The following RPL10A variants were observed in gnomAD, a reference collection of about 807,000 sequenced individuals.
The protein encoded by RPL10A is large ribosomal subunit protein uL1.
RPL10A carries 11 observed loss-of-function variants against 24.6 expected under a neutral mutation model. The ratio of observed to expected loss-of-function variants is 0.45; its 90% CI spans 0.28 to 0.74. The LOEUF (loss-of-function observed/expected upper bound fraction) is 0.74, where lower values mean the gene tolerates loss of function less well. Ranked by LOEUF, RPL10A falls within the 30% of genes least tolerant of loss-of-function variation. The probability of loss-of-function intolerance (pLI) is 0.13; values close to 1 mark genes in which losing one functional copy is unlikely to be tolerated. For synonymous variants in RPL10A, 98 were observed against 108.5 expected (o/e 0.90, Z 0.60); for missense variants, 136 against 273.1 (o/e 0.50, Z 3.54).
chr6:35,468,901 G>A, intron 2 of RPL10A, 28 bp downstream of exon 2: 2 of 1,613,328 alleles, frequency 1.2e-6, no homozygotes, highest in Admixed American at 1.7e-5. Flanking sequence ...GGCACGGCGC[G>A]GGTGGCGAGG....
chr6:35,470,755 C>T lies in RPL10A; in HGVS notation c.*5C>T, dbSNP rs1227565757. 2 of 1,599,518 alleles carry T rather than the reference C, an allele frequency of 1.3e-6. No homozygotes were observed. Among genetic ancestry groups the T allele is most frequent in the Admixed American group, 3.3e-5 (2 of 59,728 alleles). Reference sequence around the variant, plus strand: ...AAGCCCCAGCGCCTATATTAAGGCACATTTGAATAAATTCTATTACCAGTT... The same window carrying T: ...AAGCCCCAGCGCCTATATTAAGGCATATTTGAATAAATTCTATTACCAGTT... On this transcript the variant is annotated 3_prime_UTR_variant, in exon 6 of 6. Transcript: ENST00000322203. The surrounding 1 kb of genome is among the most constrained non-coding windows in gnomAD (Gnocchi z 4.6).
In RPL10A at chr6:35,468,779, C is replaced by T. The variant is rs1380742646; in HGVS notation, c.6-20C>T. 6 of 1,574,436 alleles carry T rather than the reference C, an allele frequency of 3.8e-6. No homozygotes were observed. The highest frequency in any genetic ancestry group is 5.2e-6 in the Non-Finnish European group (6 of 1,160,308). ...TGTGGACTCCGCGGCCCTGAGCGCC[C>T]TGTCGCTTCTCTCCCGCAGCAGCAA... On this transcript the variant is annotated intron_variant, in intron 1 of 5. Transcript: ENST00000322203.
In RPL10A at chr6:35,469,109, G is replaced by A. The variant is rs573732941; in HGVS notation, c.161+82G>A. ...TGCAGGCTCCCGCTGAGCCGGAGGC[G>A]GGCACGTCGGTACTGATGTGCTAGG... On this transcript the variant is annotated intron_variant, in intron 3 of 5. Transcript: ENST00000322203. 9 of 1,580,542 alleles carry A rather than the reference G, an allele frequency of 5.7e-6. No individual in the cohort carries two copies. The East Asian group carries it at 2.1e-4, about 36-fold the overall frequency.
Position 35,470,757 on chromosome 6 carries a change from T to A in RPL10A, c.*7T>A, listed in dbSNP as rs1298307142. On this transcript the variant is annotated 3_prime_UTR_variant, in exon 6 of 6. Coordinates refer to ENST00000322203, the MANE Select transcript of RPL10A (RefSeq NM_007104.5). This position sits in a 1 kb window ranked among gnomAD's most constrained non-coding sequence, Gnocchi z 4.6. The stretch of plus-strand genomic sequence containing the variant: ...GCCCCAGCGCCTATATTAAGGCACA[T>A]TTGAATAAATTCTATTACCAGTTCC... 3 of 1,599,396 alleles carry A rather than the reference T, an allele frequency of 1.9e-6. No homozygotes were observed. The highest frequency in any genetic ancestry group is 1.7e-6 in the Non-Finnish European group (2 of 1,179,354).
chr6:35,470,114 C>T lies in RPL10A; in HGVS notation c.311-65C>T. On this transcript the variant is annotated intron_variant, in intron 4 of 5. Coordinates refer to ENST00000322203, the MANE Select transcript of RPL10A (RefSeq NM_007104.5). This position sits in a 1 kb window ranked among gnomAD's most constrained non-coding sequence, Gnocchi z 4.6. ...TGATTCAAGTGCGTTTCTGGCCTGC[C>T]ACATTTGAGGTGTGCCTTGGTGACC... 6.7e-7 allele frequency: 1 copy of T among 1,498,496 alleles called. No homozygotes were observed. Among genetic ancestry groups the T allele is most frequent in the Non-Finnish European group, 9.1e-7 (1 of 1,094,790 alleles). 92.8% of individuals were successfully genotyped at this position (1,498,496 alleles called of 1,614,324 possible).
chr6:35,469,320 TCA>T, intron 3 of RPL10A, 59 bp from the exon 4 acceptor site: 1 of 1,527,816 alleles, frequency 6.5e-7, no homozygotes, highest in East Asian at 2.3e-5. Flanking sequence ...CCCAGACCCT[TCA>T]CCGGCCCTTG....
rs773441168 is a variant in RPL10A, at chr6:35,470,295, A to C, written c.427A>C (p.Asn143His). The change falls in exon 5 of 6, where the codon AAC becomes CAC. Residue 143 changes from asparagine to histidine, a missense_variant. Coordinates refer to ENST00000322203, the MANE Select transcript of RPL10A (RefSeq NM_007104.5). The surrounding 1 kb of genome is among the most constrained non-coding windows in gnomAD (Gnocchi z 4.6). ...CCCTTCCCTGCTCACACACAACGAA[A>C]ACATGGTGGCCAAAGTGGATGAGGT... ...KFPSLLTHNE[N>H]MVAKVDEVKS... 1.2e-6 allele frequency: 2 copies of C among 1,605,746 alleles called. No individual in the cohort carries two copies. Among genetic ancestry groups the C allele is most frequent in the Admixed American group, 1.7e-5 (1 of 60,010 alleles).
At chr6:35,468,574 C>G (rs1252835183) in intron 1 of RPL10A, 135 bp downstream of exon 1, 30 of 1,584,408 alleles carry the variant, frequency 1.9e-5, no homozygotes, top group Admixed American at 5.3e-5. Context: ...GCGGGTCGGC[C>G]TGCGGGTCGC....
At chr6:35,468,681 A>G (rs368311133) in intron 1 of RPL10A, 118 bp from the exon 2 acceptor site, 6 of 1,525,068 alleles carry the variant, frequency 3.9e-6, no homozygotes, top group East Asian at 4.9e-5. Flanking sequence ...TCCGGAATCT[A>G]CGGGGGAGTC....
rs1767956086 is a variant in RPL10A, at chr6:35,468,986, C to T, written c.120C>T (p.Asn40=). Reference sequence around the variant, plus strand: ...TGGAGTTGCAGATCAGCTTGAAGAACTATGATCCCCAGAAGGACAAGCGCT... The same window carrying T: ...TGGAGTTGCAGATCAGCTTGAAGAATTATGATCCCCAGAAGGACAAGCGCT... ...ETVELQISLK[N]YDPQKDKRFS... Residue 40 remains asparagine (N), a synonymous_variant, in exon 3 of 6, where the codon AAC becomes AAT. Transcript: ENST00000322203. 1 of 1,613,582 alleles carries T rather than the reference C, an allele frequency of 6.2e-7. No homozygotes were observed. Among genetic ancestry groups the T allele is most frequent in the African/African-American group, 1.3e-5 (1 of 74,912 alleles).
Position 35,470,106 on chromosome 6 carries a change from T to A in RPL10A, c.311-73T>A. 8.3e-6 allele frequency: 12 copies of A among 1,437,288 alleles called. No homozygotes were observed. The highest frequency in any genetic ancestry group is 1.9e-5 in the Admixed American group (1 of 53,706). The allele number at this position is 1,437,288 out of a possible 1,614,324, so 89.0% of individuals were successfully genotyped here. A position where few individuals can be genotyped will look rare whatever the true frequency, so the allele number is the denominator to read the frequency against. The stretch of plus-strand genomic sequence containing the variant: ...TACATGATTGATTCAAGTGCGTTTC[T>A]GGCCTGCCACATTTGAGGTGTGCCT... On this transcript the variant is annotated intron_variant, in intron 4 of 5. Coordinates refer to ENST00000322203, the MANE Select transcript of RPL10A (RefSeq NM_007104.5). The surrounding 1 kb of genome is among the most constrained non-coding windows in gnomAD (Gnocchi z 4.6).
In RPL10A at chr6:35,468,444, G is replaced by A. The variant is rs760938622; in HGVS notation, c.5+5G>A. On this transcript the variant is annotated splice_donor_5th_base_variant and intron_variant, in intron 1 of 5. Coordinates refer to ENST00000322203, the MANE Select transcript of RPL10A (RefSeq NM_007104.5). ...CGCGGCGTGAGAAGCCATGAGGTGA[G>A]TTGGTCCTGAAAGCCCTATCCGCGT... 1 of 1,614,058 alleles carries A rather than the reference G, an allele frequency of 6.2e-7. No individual in the cohort carries two copies. The highest frequency in any genetic ancestry group is 8.5e-7 in the Non-Finnish European group (1 of 1,179,928).
chr6:35,468,506 A>C (rs998818629), intron 1 of RPL10A, 67 bp downstream of exon 1: 1 of 1,610,704 alleles, frequency 6.2e-7, no homozygotes, highest in Non-Finnish European at 8.5e-7. Flanking sequence ...GAGGGTTCGG[A>C]TCCTGTAGGC....
chr6:35,470,130 C>A lies in RPL10A; in HGVS notation c.311-49C>A. 1 of 1,572,258 alleles carries A rather than the reference C, an allele frequency of 6.4e-7. No homozygotes were observed. Among genetic ancestry groups the A allele is most frequent in the Non-Finnish European group, 8.7e-7 (1 of 1,151,176 alleles). On this transcript the variant is annotated intron_variant, in intron 4 of 5. Transcript: ENST00000322203. This position sits in a 1 kb window ranked among gnomAD's most constrained non-coding sequence, Gnocchi z 4.6. ...CTGGCCTGCCACATTTGAGGTGTGCCTTGGTGACCAGGTTCTAAGCAATGC... is the reference window on the plus strand; with the variant it reads ...CTGGCCTGCCACATTTGAGGTGTGCATTGGTGACCAGGTTCTAAGCAATGC...
In RPL10A at chr6:35,470,064, G is replaced by C. The variant is rs754525871; in HGVS notation, c.311-115G>C. On this transcript the variant is annotated intron_variant, in intron 4 of 5. Transcript: ENST00000322203. The surrounding 1 kb of genome is among the most constrained non-coding windows in gnomAD (Gnocchi z 4.6). ...ACTGAGGCGGGGTCTTAGAGAGGGT[G>C]CTGCTTGGAGGTCACTTACATGATT... The C allele has an allele frequency of 1.1e-4, 101 of 931,438 alleles. 1 individual carries two copies. In the Middle Eastern group the frequency reaches 8.7e-3, roughly 80 times the overall value. 57.7% of individuals were successfully genotyped at this position (931,438 alleles called of 1,614,324 possible). A position where few individuals can be genotyped will look rare whatever the true frequency, so the allele number is the denominator to read the frequency against.
At position 35,470,040 on chromosome 6, in the gene RPL10A, C is replaced by T; in HGVS notation, c.311-139C>T. 1.4e-6 allele frequency: 1 copy of T among 737,034 alleles called. No individual in the cohort carries two copies. The allele number at this position is 737,034 out of a possible 1,614,324, so 45.7% of individuals were successfully genotyped here. ...GAAACCGTTTGGGCTAGGGAAAAGACTGAGGCGGGGTCTTAGAGAGGGTGC... is the reference window on the plus strand; with the variant it reads ...GAAACCGTTTGGGCTAGGGAAAAGATTGAGGCGGGGTCTTAGAGAGGGTGC... On this transcript the variant is annotated intron_variant, in intron 4 of 5. Coordinates refer to ENST00000322203, the MANE Select transcript of RPL10A (RefSeq NM_007104.5). This position sits in a 1 kb window ranked among gnomAD's most constrained non-coding sequence, Gnocchi z 4.6.
chr6:35,469,279 G>C lies in RPL10A; in HGVS notation c.162-102G>C, dbSNP rs1023342519. ...AGGCTGGCTGCTGGTGAATGTGAAC[G>C]CTCCGGGTAAGGCTCGGTGGCTGCT... On this transcript the variant is annotated intron_variant, in intron 3 of 5. Coordinates refer to ENST00000322203, the MANE Select transcript of RPL10A (RefSeq NM_007104.5). 4.6e-6 allele frequency: 7 copies of C among 1,507,894 alleles called. No homozygotes were observed. In the African/African-American group the frequency reaches 5.6e-5, roughly 12 times the overall value. The allele number at this position is 1,507,894 out of a possible 1,614,324, so 93.4% of individuals were successfully genotyped here.
In RPL10A at chr6:35,470,175, T is replaced by G; in HGVS notation, c.311-4T>G. 6.2e-7 allele frequency: 1 copy of G among 1,611,656 alleles called. No homozygotes were observed. Among genetic ancestry groups the G allele is most frequent in the Non-Finnish European group, 8.5e-7 (1 of 1,178,218 alleles). ...CAATGCCAATGGCTTCCTCTCTCTA[T>G]CAGCCAAGAAGTATGATGCGTTTTT... On this transcript the variant is annotated splice_polypyrimidine_tract_variant and splice_region_variant and intron_variant, in intron 4 of 5. Transcript: ENST00000322203. This position sits in a 1 kb window ranked among gnomAD's most constrained non-coding sequence, Gnocchi z 4.6.
intron 3 of RPL10A, 133 bp from the exon 4 acceptor site, chr6:35,469,248 G>A: frequency 1.3e-6 from 2 of 1,496,394 alleles, no homozygotes; most frequent in South Asian, 1.4e-5. Context: ...GCCAGCCTGA[G>A]AAGCCAGGCT....
Sources: allele counts gnomAD v4.1 joint callset, GRCh38; gene constraint gnomAD v4.1.1; non-coding constraint Gnocchi (gnomAD v3.1); transcripts MANE v1.5; gene names NCBI Gene and HGNC (gene_info 2026-07-23, HGNC 2026-07-21).